MYO3A: variants seen among roughly 807,000 people sequenced by gnomAD.
MYO3A encodes the protein myosin-IIIa.
In MYO3A, 180 loss-of-function variants were observed where a neutral mutation model predicts 192.7. That is an observed-to-expected ratio of 0.93 (90% CI 0.83 to 1.06). The LOEUF is 1.06. Among genes scored for constraint, MYO3A ranks in the 50% least tolerant of loss-of-function variants. The pLI, the probability that MYO3A is intolerant of heterozygous loss-of-function variation, is 0.00. For missense variants in MYO3A, 1,896 were observed against 1,905.0 expected (o/e 1.00, Z 0.09); for synonymous variants, 628 against 645.3 (o/e 0.97, Z 0.41).
chr10:26,176,954 G>A, intron 31 of MYO3A, 109 bp downstream of exon 31: 2 of 1,274,926 alleles, frequency 1.6e-6, no homozygotes, highest in Non-Finnish European at 2.2e-6. Context: ...CCTGTGTCCT[G>A]TCTTAGGAGA....
chr10:26,189,909 A>G (rs1843044348), intron 31 of MYO3A, among the ~76,000 whole-genome samples: 1 of 152,050 alleles, frequency 6.6e-6, no homozygotes. Context: ...CTAAAAATAT[A>G]AAAATTATCT....
intron 10 of MYO3A, among the ~76,000 whole-genome samples, chr10:26,041,305 T>G (rs1843333177): frequency 1.3e-5 from 2 of 151,958 alleles, no homozygotes; most frequent in Non-Finnish European, 2.9e-5. Flanking sequence ...GTGTTTCTTG[T>G]AAGCAACAGA....
intron 10 of MYO3A, among the ~76,000 whole-genome samples, chr10:26,037,011 C>T (rs1207072118): frequency 6.6e-6 from 1 of 152,180 alleles, no homozygotes; most frequent in African/African-American, 2.4e-5. Context: ...CCAATCCTGC[C>T]GTCTATTAGT....
intron 4 of MYO3A, among the ~76,000 whole-genome samples, chr10:25,955,762 G>T (rs1030580799): frequency 2.6e-5 from 4 of 152,136 alleles, no homozygotes; most frequent in Admixed American, 2.6e-4. Flanking sequence ...AGAGACAGTA[G>T]ATACCTTTAT....
chr10:26,154,901 C>G, intron 25 of MYO3A, 78 bp downstream of exon 25: 1 of 1,184,024 alleles, frequency 8.4e-7, no homozygotes, highest in Non-Finnish European at 1.2e-6. Flanking sequence ...AAGCCAGTAA[C>G]ACTAGCAAAG....
chr10:26,143,662 G>T (rs1342668840), intron 21 of MYO3A, 61 bp downstream of exon 21: 1 of 1,585,066 alleles, frequency 6.3e-7, no homozygotes, highest in African/African-American at 1.3e-5. Flanking sequence ...CATTCTGAAT[G>T]ATTTTTTAAA....
At chr10:25,951,842 A>AT (rs1837226322) in intron 2 of MYO3A, among the ~76,000 whole-genome samples, 1 of 152,238 alleles carries the variant, frequency 6.6e-6, no homozygotes, top group South Asian at 2.1e-4. Flanking sequence ...TCTAAAAAGA[A>AT]TTAACAGCAA....
intron 4 of MYO3A, among the ~76,000 whole-genome samples, chr10:25,984,670 A>C (rs1839537727): frequency 6.6e-6 from 1 of 152,140 alleles, no homozygotes; most frequent in Non-Finnish European, 1.5e-5. Flanking sequence ...CACAAAACCA[A>C]AAACCCTGGT....
chr10:26,067,415 G>T (rs1328316853), intron 11 of MYO3A, among the ~76,000 whole-genome samples: 1 of 152,070 alleles, frequency 6.6e-6, no homozygotes, highest in African/African-American at 2.4e-5. Context: ...TTATTTGTGG[G>T]AGTCTCAAAG....
At chr10:26,151,698 CTT>C (rs1211425463) in intron 23 of MYO3A, among the ~76,000 whole-genome samples, 1 of 152,090 alleles carries the variant, frequency 6.6e-6, no homozygotes, top group Non-Finnish European at 1.5e-5. Context: ...GGATTTGACT[CTT>C]ATCATCTTGC....
chr10:26,061,656 C>A (rs530564547), intron 10 of MYO3A, among the ~76,000 whole-genome samples: 3 of 152,300 alleles, frequency 2.0e-5, no homozygotes, highest in Non-Finnish European at 2.9e-5. Flanking sequence ...AGGGAGCCAT[C>A]TGAGGTTGTT....
chr10:26,013,187 T>G (rs113435244), intron 6 of MYO3A, among the ~76,000 whole-genome samples: 1 of 151,920 alleles, frequency 6.6e-6, no homozygotes, highest in African/African-American at 2.4e-5. Flanking sequence ...GAGACAACAT[T>G]GGAGAAACTT....
At chr10:26,087,164 A>G (rs7906251) in intron 14 of MYO3A, among the ~76,000 whole-genome samples, 73,039 of 151,994 alleles carry the variant, frequency 0.48, 18,260 homozygotes, top group Middle Eastern at 0.59. Context: ...TGCCAATGAA[A>G]ATGTTATCTC....
intron 10 of MYO3A, among the ~76,000 whole-genome samples, chr10:26,038,100 A>G (rs1009774662): frequency 6.6e-6 from 1 of 152,166 alleles, no homozygotes; most frequent in Non-Finnish European, 1.5e-5. Flanking sequence ...TTGGGTTACT[A>G]TGCCTCTGTA....
intron 4 of MYO3A, among the ~76,000 whole-genome samples, chr10:25,965,408 A>C (rs1564411035): frequency 6.6e-6 from 1 of 152,094 alleles, no homozygotes; most frequent in Non-Finnish European, 1.5e-5. Flanking sequence ...GCTGGTATCC[A>C]AGATTCAAGA....
chr10:26,092,001 C>G (rs1836729676), intron 15 of MYO3A, among the ~76,000 whole-genome samples: 1 of 152,180 alleles, frequency 6.6e-6, no homozygotes, highest in South Asian at 2.1e-4. Flanking sequence ...GGTTTCTAGT[C>G]TCTCATGAAA....
rs149636026 is a variant in MYO3A, at chr10:26,043,885, T to A, written c.953+17353T>A. On this transcript the variant is annotated intron_variant, in intron 10 of 34. Coordinates refer to ENST00000642920, the MANE Select transcript of MYO3A (RefSeq NM_017433.5). The stretch of plus-strand genomic sequence containing the variant: ...TCCCTCTGCTTTTCTCAAGAAGGAG[T>A]CTTCTGCCCATAGCCATCACAGCTG... Among the ~76,000 whole-genome samples, 413 of 152,072 alleles carry A rather than the reference T, an allele frequency of 2.7e-3. 4 individuals carry two copies. The highest frequency in any genetic ancestry group is 9.6e-3 in the African/African-American group (399 of 41,482).
chr10:26,102,365 G>T (rs182121223), intron 17 of MYO3A, among the ~76,000 whole-genome samples: 54 of 152,286 alleles, frequency 3.5e-4, no homozygotes, highest in African/African-American at 1.2e-3. Flanking sequence ...GGAGAAGTCT[G>T]TTATTACCGA....
In MYO3A at chr10:25,952,094, G is replaced by A; in HGVS notation, c.-17G>A. 1 of 1,601,934 alleles carries A rather than the reference G, an allele frequency of 6.2e-7. No individual in the cohort carries two copies. The highest frequency in any genetic ancestry group is 8.5e-7 in the Non-Finnish European group (1 of 1,170,694). On this transcript the variant is annotated splice_region_variant and 5_prime_UTR_variant, in exon 3 of 35. Transcript: ENST00000642920. ...ATGAAACTGTACTTCTTATCTCCAG[G>A]TTTTTAAACCTTTGAGATGTTTCCA...
Sources: gnomAD v4.1 joint callset for allele counts (sites outside exome capture counted in the v4.1 genomes callset) on GRCh38, gnomAD v4.1.1 for gene constraint, MANE v1.5 for transcripts, NCBI Gene and HGNC (gene_info 2026-07-23, HGNC 2026-07-21) for gene names.